HERC1: variants seen among roughly 807,000 people sequenced by gnomAD.
The protein encoded by HERC1 is probable E3 ubiquitin-protein ligase HERC1.
In HERC1, 160 loss-of-function variants were observed where a neutral mutation model predicts 554.3. The observed-to-expected ratio is 0.29, with a 90% confidence interval of 0.25 to 0.33. The LOEUF (loss-of-function observed/expected upper bound fraction) is 0.33, where lower values mean the gene tolerates loss of function less well. Among genes scored for constraint, HERC1 ranks in the 10% least tolerant of loss-of-function variants. HERC1 has a pLI of 1.00. For missense variants in HERC1, 4,919 were observed against 5,918.5 expected, an observed-to-expected ratio of 0.83 and a Z score of 5.54; for synonymous variants, 2,175 against 2,131.7, an observed-to-expected ratio of 1.02 and a Z score of -0.56.
chr15:63,715,554 A>G (rs1423627715), intron 22 of HERC1, among the ~76,000 whole-genome samples: 2 of 152,228 alleles, frequency 1.3e-5, no homozygotes, highest in African/African-American at 2.4e-5. Context: ...AAGTATGCAG[A>G]ACACAAATAA....
chr15:63,767,796 G>C (rs1246383043), intron 2 of HERC1, among the ~76,000 whole-genome samples: 1 of 152,202 alleles, frequency 6.6e-6, no homozygotes, highest in African/African-American at 2.4e-5. Flanking sequence ...TTACATGGCA[G>C]AACTTTTTTG....
rs1196657117 is a variant in HERC1, at chr15:63,628,687, T to C, written c.13095A>G (p.Pro4365=). ...TATTTCATTCCTCACCTGGTGCTCT[T>C]GGTGGGACAGGTGGTGCTGTCCATG... is the stretch of plus-strand genomic sequence containing the variant. ...SAAWTAPPVP[P]RAPGVSVPLQ... is the part of the protein sequence containing the mutation. The change falls in exon 70 of 78, where the codon CCA becomes CCG. Residue 4365 remains proline (P), a synonymous_variant. Coordinates refer to ENST00000443617, the MANE Select transcript of HERC1 (RefSeq NM_003922.4). The C allele has an allele frequency of 1.9e-6, 3 of 1,609,096 alleles. No homozygotes were observed. Among genetic ancestry groups the C allele is most frequent in the Non-Finnish European group, 2.5e-6 (3 of 1,178,530 alleles).
chr15:63,816,776 A>G (rs2077506841), intron 1 of HERC1, among the ~76,000 whole-genome samples: 1 of 152,242 alleles, frequency 6.6e-6, no homozygotes, highest in African/African-American at 2.4e-5. Context: ...ACAGGGTTGA[A>G]GAAATACTTA....
At chr15:63,826,802 AAAAAAAAAAAAAATATATATATATAT>A (rs1426765663) in intron 1 of HERC1, among the ~76,000 whole-genome samples, 7 of 57,116 alleles carry the variant, frequency 1.2e-4, no homozygotes, top group Non-Finnish European at 2.2e-4. Flanking sequence ...AAAAAAAAAA[AAAAAAAAAAAAAATATATATATATAT>A]ATATATATAT....
rs531595180 is a variant in HERC1 at position 63,634,241 on chromosome 15, A to G, written c.12571-271T>C. On this transcript the variant is annotated intron_variant, in intron 66 of 77. Coordinates refer to ENST00000443617, the MANE Select transcript of HERC1 (RefSeq NM_003922.4). ...TATGAAAGATAGAGGAAAAGTATAC[A>G]TGACCCAAAAATATTCATTCATATC... Among the ~76,000 whole-genome samples, 5 of 152,362 alleles carry G rather than the reference A, an allele frequency of 3.3e-5. No individual in the cohort carries two copies. In the East Asian group the frequency reaches 7.7e-4, roughly 23 times the overall value.
rs75298594 is a variant in HERC1 at position 63,654,476 on chromosome 15, G to A, written c.10085-152C>T. On this transcript the variant is annotated intron_variant, in intron 50 of 77. Coordinates refer to ENST00000443617, the MANE Select transcript of HERC1 (RefSeq NM_003922.4). Reference sequence around the variant, plus strand: ...CTTTTAAGAATTGGCACTTTTGCAAGCAATTATTTCACTAAAATATGCACA... The same window carrying A: ...CTTTTAAGAATTGGCACTTTTGCAAACAATTATTTCACTAAAATATGCACA... 2.4e-4 allele frequency among the ~76,000 whole-genome samples: 36 copies of A among 152,312 alleles called. No individual in the cohort carries two copies. In the East Asian group the frequency reaches 6.7e-3, roughly 29 times the overall value.
chr15:63,622,208 TG>T (rs1310874922), intron 74 of HERC1, among the ~76,000 whole-genome samples: 5 of 152,212 alleles, frequency 3.3e-5, no homozygotes, highest in Admixed American at 2.0e-4. Context: ...GGGGAGGCCA[TG>T]TGGGCCTTCA....
intron 2 of HERC1, among the ~76,000 whole-genome samples, chr15:63,772,581 G>C (rs1302718370): frequency 2.0e-5 from 3 of 151,522 alleles, no homozygotes; most frequent in African/African-American, 4.8e-5. Context: ...TAACATAAGA[G>C]GATGTTACCA....
intron 1 of HERC1, among the ~76,000 whole-genome samples, chr15:63,777,591 C>A (rs1415287356): frequency 1.3e-5 from 2 of 152,138 alleles, no homozygotes; most frequent in Non-Finnish European, 2.9e-5. Flanking sequence ...CATGCATTCT[C>A]CTATTTTGTT....
chr15:63,680,720 G>A lies in HERC1; in HGVS notation c.6282C>T (p.Arg2094=). ...GGTGATTAAAGTCATGTACTGGCCA[G>A]CGAGAAACTCCAACACACGTGCCTT... is the stretch of plus-strand genomic sequence containing the variant. ...GNEGTCVGVS[R]WPVHDFNHRT... is the part of the protein sequence containing the mutation. The change falls in exon 35 of 78, where the codon CGC becomes CGT. Residue 2094 remains arginine (R), a synonymous_variant. Coordinates refer to ENST00000443617, the MANE Select transcript of HERC1 (RefSeq NM_003922.4). This position sits in a 1 kb window ranked among gnomAD's most constrained non-coding sequence, Gnocchi z 5.8. 6.2e-7 allele frequency: 1 copy of A among 1,613,228 alleles called. No individual in the cohort carries two copies. Among genetic ancestry groups the A allele is most frequent in the Non-Finnish European group, 8.5e-7 (1 of 1,179,242 alleles).
chr15:63,613,216 C>T (rs1023577638), intron 76 of HERC1, among the ~76,000 whole-genome samples: 2 of 152,180 alleles, frequency 1.3e-5, no homozygotes, highest in Non-Finnish European at 2.9e-5. Context: ...TATTGCTGCT[C>T]TCATGTGGCT....
intron 1 of HERC1, among the ~76,000 whole-genome samples, chr15:63,821,530 T>C (rs561673146): frequency 5.1e-5 from 7 of 137,434 alleles, no homozygotes; most frequent in East Asian, 4.1e-4. Context: ...CACTCCAGCC[T>C]GGTAACAGAG....
intron 1 of HERC1, among the ~76,000 whole-genome samples, chr15:63,830,302 C>G (rs1384923109): frequency 6.6e-6 from 1 of 152,208 alleles, no homozygotes; most frequent in Non-Finnish European, 1.5e-5. Context: ...AAGGACACAA[C>G]ATCGCTTCTG....
rs746850847 is a variant in HERC1, at chr15:63,630,543, C to T, written c.12889G>A (p.Ala4297Thr). ...VLAGVIIEDV[A>T]VGAEHTLALA... ...GCAAGTGTGTGTTCAGCTCCAACTG[C>T]CACATCTTCTATGATTACTCCAGCC... Residue 4297 changes from alanine (A) to threonine (T), a missense_variant, in exon 69 of 78, where the codon GCA becomes ACA. Ala to Thr is a moderately conservative substitution (Grantham distance 58, BLOSUM62 0). Around this residue, in one of 11 missense-constraint regions of HERC1, gnomAD observed 410 missense variants for 467.0 expected, o/e 0.88. Coordinates refer to ENST00000443617, the MANE Select transcript of HERC1 (RefSeq NM_003922.4). 4.3e-6 allele frequency: 7 copies of T among 1,614,038 alleles called. No individual in the cohort carries two copies. Among genetic ancestry groups the T allele is most frequent in the Non-Finnish European group, 3.4e-6 (4 of 1,179,890 alleles).
intron 8 of HERC1, among the ~76,000 whole-genome samples, chr15:63,751,003 G>A (rs2075222557): frequency 2.0e-5 from 3 of 152,160 alleles, no homozygotes; most frequent in African/African-American, 7.2e-5. Flanking sequence ...AGTATAGAAT[G>A]CAACAAGATT....
chr15:63,652,953 A>G (rs1267004092), intron 51 of HERC1, among the ~76,000 whole-genome samples: 3 of 152,158 alleles, frequency 2.0e-5, no homozygotes, highest in Non-Finnish European at 2.9e-5. Flanking sequence ...CCCAGCCTCC[A>G]TTCTTTTCTA....
rs564967976 is a variant in HERC1 at position 63,787,873 on chromosome 15, G to A, written c.-26-12224C>T. ...CCAGCTGGGGAGGCATACTGGGGAG[G>A]CCGCCTGAGTCCAGAAGGTCAAGGC... On this transcript the variant is annotated intron_variant, in intron 1 of 77. Coordinates refer to ENST00000443617, the MANE Select transcript of HERC1 (RefSeq NM_003922.4). 5.3e-4 allele frequency among the ~76,000 whole-genome samples: 80 copies of A among 150,322 alleles called. 1 individual carries two copies. Among genetic ancestry groups the A allele is most frequent in the African/African-American group, 1.8e-3 (73 of 40,890 alleles).
rs778572686 is a variant in HERC1 at position 63,775,466 on chromosome 15, T to C, written c.158A>G (p.Gln53Arg). 6.2e-7 allele frequency: 1 copy of C among 1,614,024 alleles called. No individual in the cohort carries two copies. The highest frequency in any genetic ancestry group is 8.5e-7 in the Non-Finnish European group (1 of 1,179,884). The part of the protein sequence containing the change: ...SNKEVVPLPQ[Q>R]VLCLKGPQLP... ...CTGTGGTCCTTTGAGGCATAAAACT[T>C]GTTGGGGCAAAGGTACTACTTCCTT... Residue 53 changes from glutamine to arginine, a missense_variant, in exon 2 of 78, where the codon CAA becomes CGA. Coordinates refer to ENST00000443617, the MANE Select transcript of HERC1 (RefSeq NM_003922.4). The surrounding 1 kb of genome is among the most constrained non-coding windows in gnomAD (Gnocchi z 4.0).
rs760819202 is a variant in HERC1 at position 63,725,437 on chromosome 15, T to A, written c.3423A>T (p.Leu1141=). Residue 1141 remains leucine, a synonymous_variant, in exon 18 of 78, where the codon CTA becomes CTT. Transcript: ENST00000443617. ...PAQSWVWLVD[L]ERTIALLIGR... ...CAATAAGGAGAGCAATTGTTCTTTC[T>A]AGATCCACAAGCCATACCCAGGACT... 1.9e-6 allele frequency: 3 copies of A among 1,613,908 alleles called. No homozygotes were observed.
Sources: gnomAD v4.1 joint callset for allele counts (sites outside exome capture counted in the v4.1 genomes callset) on GRCh38, gnomAD v4.1.1 for gene constraint, gnomAD v4.1.1 regional missense constraint, Gnocchi (gnomAD v3.1) non-coding constraint, MANE v1.5 for transcripts, NCBI Gene and HGNC (gene_info 2026-07-23, HGNC 2026-07-21) for gene names.